The following VKORC1L1 variants were observed in gnomAD, a reference collection of about 807,000 sequenced individuals.
The protein encoded by VKORC1L1 is vitamin K epoxide reductase complex subunit 1L1, also known as vitamin K epoxide reductase complex subunit 1-like protein 1.
Under a neutral mutation model 18.9 loss-of-function variants are expected in VKORC1L1, and 2 were observed. The observed-to-expected ratio is 0.11, with a 90% CI of 0.04 to 0.33. The LOEUF (loss-of-function observed/expected upper bound fraction) is 0.33, where lower values mean the gene tolerates loss of function less well. Ranked by LOEUF, VKORC1L1 falls within the 10% of genes least tolerant of loss-of-function variation. The pLI is 1.00. For synonymous variants in VKORC1L1, 96 were observed against 100.0 expected, an observed-to-expected ratio of 0.96 and a Z score of 0.24; for missense variants, 123 against 224.1, an observed-to-expected ratio of 0.55 and a Z score of 2.88.
chr7:65,949,465 G>A (rs1424241339), intron 2 of VKORC1L1, among the ~76,000 whole-genome samples: 1 of 148,798 alleles, frequency 6.7e-6, no homozygotes, highest in Non-Finnish European at 1.5e-5. Context: ...GGCAACAAGA[G>A]CGAAACTCCG....
In VKORC1L1 at chr7:65,954,588, G is replaced by T; in HGVS notation, c.*288G>T. The T allele has an allele frequency of 2.2e-6, 1 of 463,128 alleles. No individual in the cohort carries two copies. The highest frequency in any genetic ancestry group is 3.7e-6 in the Non-Finnish European group (1 of 272,502). 28.7% of individuals were successfully genotyped at this position (463,128 alleles called of 1,614,324 possible). A position where few individuals can be genotyped will look rare whatever the true frequency, so the allele number is the denominator to read the frequency against. On this transcript the variant is annotated 3_prime_UTR_variant, in exon 3 of 3. Transcript: ENST00000360768. ...TGATAAAATGTAGCCCTAGCCCCCT[G>T]CCCTCAATTGTAAAGTGAGCAACCA...
rs1435692383 is a variant in VKORC1L1 at position 65,929,680 on chromosome 7, GTGTA to G, written c.195-18989_195-18986del. On this transcript the variant is annotated intron_variant, in intron 1 of 2. Transcript: ENST00000360768. Reference sequence around the variant, plus strand: ...TATGTGTGTGTGTGTATGTGTGTGTGTGTATATATATATATATATATATGGTTTT... The same window carrying G: ...TATGTGTGTGTGTGTATGTGTGTGTGTATATATATATATATATATGGTTTT... 3.3e-4 allele frequency among the ~76,000 whole-genome samples: 34 copies of G among 103,798 alleles called. No homozygotes were observed. In the South Asian group the frequency reaches 3.4e-3, roughly 10 times the overall value. The allele number at this position is 103,798 out of a possible 152,430, so 68.1% of individuals were successfully genotyped here.
intron 1 of VKORC1L1, among the ~76,000 whole-genome samples, chr7:65,880,580 C>T (rs1788911383): frequency 6.6e-6 from 1 of 152,054 alleles, no homozygotes; most frequent in African/African-American, 2.4e-5. Flanking sequence ...GAGGCCTTGT[C>T]GTGTGGACCT....
Position 65,873,576 on chromosome 7 carries a change from TG to T in VKORC1L1, c.194+16del. On this transcript the variant is annotated intron_variant, in intron 1 of 2. Transcript: ENST00000360768. ...CGCCCTTGCCTCCAGGTAGCCGGCT[TG>T]GGGGAGTGGGCCAGGAGCGGCCGAG... 2.0e-6 allele frequency: 3 copies of T among 1,491,344 alleles called. No individual in the cohort carries two copies. 92.4% of individuals were successfully genotyped at this position (1,491,344 alleles called of 1,614,324 possible).
At chr7:65,939,746 G>T (rs1790003917) in intron 1 of VKORC1L1, among the ~76,000 whole-genome samples, 1 of 152,204 alleles carries the variant, frequency 6.6e-6, no homozygotes, top group South Asian at 2.1e-4. Flanking sequence ...GGTTACAACA[G>T]ATTTGCGAAC....
intron 1 of VKORC1L1, among the ~76,000 whole-genome samples, chr7:65,900,696 T>C (rs903595687): frequency 3.3e-5 from 5 of 152,014 alleles, no homozygotes; most frequent in African/African-American, 1.2e-4. Flanking sequence ...TCCCAGCTAC[T>C]CGGGAGGCTA....
In VKORC1L1 at chr7:65,958,129, G is replaced by T. The variant is rs1790330159; in HGVS notation, c.*3829G>T. On this transcript the variant is annotated 3_prime_UTR_variant, in exon 3 of 3. Transcript: ENST00000360768. ...GGGTGAAACATTTCAGACACCTCAG[G>T]CAGCACTTATGGTTTCTAATTGTGA... The T allele has an allele frequency of 6.6e-6, 1 of 152,056 alleles. No homozygotes were observed. The highest frequency in any genetic ancestry group is 2.1e-4 in the South Asian group (1 of 4,826). The allele number at this position is 152,056 out of a possible 1,614,324, so 9.4% of individuals were successfully genotyped here.
intron 1 of VKORC1L1, among the ~76,000 whole-genome samples, chr7:65,896,234 A>G (rs370426648): frequency 6.6e-5 from 10 of 151,906 alleles, no homozygotes; most frequent in East Asian, 3.9e-4. Flanking sequence ...TAACATGTCT[A>G]TGAGATTTAT....
Position 65,954,172 on chromosome 7 carries a change from C to T in VKORC1L1, c.403C>T (p.Leu135=), listed in dbSNP as rs755221981. 13 of 1,614,110 alleles carry T rather than the reference C, an allele frequency of 8.1e-6. 1 individual carries two copies. The highest frequency in any genetic ancestry group is 1.1e-5 in the Non-Finnish European group (13 of 1,180,004). ...CCTGGCCTACATTCTGTACTTTGTG[C>T]TGAAGGAGTTCTGCATCATCTGCAT... ...LYLAYILYFV[L]KEFCIICIVT... Residue 135 remains leucine, a synonymous_variant, in exon 3 of 3, where the codon CTG becomes TTG. Transcript: ENST00000360768.
At chr7:65,944,310 A>C (rs1159307246) in intron 1 of VKORC1L1, among the ~76,000 whole-genome samples, 1 of 152,210 alleles carries the variant, frequency 6.6e-6, no homozygotes, top group Non-Finnish European at 1.5e-5. Flanking sequence ...CAGAGGTTGC[A>C]GTGAGCCGAG....
Position 65,943,847 on chromosome 7 carries a change from A to G in VKORC1L1, c.195-4824A>G, listed in dbSNP as rs181729480. 2.6e-3 allele frequency among the ~76,000 whole-genome samples: 390 copies of G among 152,366 alleles called. 2 individuals carry two copies. Among genetic ancestry groups the G allele is most frequent in the African/African-American group, 9.0e-3 (373 of 41,586 alleles). On this transcript the variant is annotated intron_variant, in intron 1 of 2. Transcript: ENST00000360768. ...AATTTTAAGATTATTGTTTTAAAGA[A>G]TAAATGTTGATATTCTTAAGGTGGT...
chr7:65,890,097 A>G (rs935765171), intron 1 of VKORC1L1, among the ~76,000 whole-genome samples: 2 of 149,328 alleles, frequency 1.3e-5, no homozygotes, highest in African/African-American at 4.9e-5. Context: ...AGCTGGGACT[A>G]CAGGTGCACA....
intron 1 of VKORC1L1, among the ~76,000 whole-genome samples, chr7:65,875,574 C>G (rs1366321439): frequency 6.6e-6 from 1 of 152,082 alleles, no homozygotes; most frequent in Non-Finnish European, 1.5e-5. Context: ...CCCGCCACAA[C>G]GCCCTGCTAA....
Position 65,954,407 on chromosome 7 carries a change from T to G in VKORC1L1, c.*107T>G. ...TTATTATTATTCACAACAGACACTT[T>G]CCCTAAGAATCTCAAACTGATTTTT... On this transcript the variant is annotated 3_prime_UTR_variant, in exon 3 of 3. Coordinates refer to ENST00000360768, the MANE Select transcript of VKORC1L1 (RefSeq NM_173517.6). The G allele has an allele frequency of 2.1e-6, 3 of 1,410,698 alleles. No homozygotes were observed. The highest frequency in any genetic ancestry group is 2.8e-6 in the Non-Finnish European group (3 of 1,080,940). 87.4% of individuals were successfully genotyped at this position (1,410,698 alleles called of 1,614,324 possible).
At chr7:65,874,411 T>A (rs539858975) in intron 1 of VKORC1L1, among the ~76,000 whole-genome samples, 1 of 151,882 alleles carries the variant, frequency 6.6e-6, no homozygotes, top group South Asian at 2.1e-4. Flanking sequence ...TTGGTCAGGC[T>A]GGTCTCGAAC....
At chr7:65,896,816 C>A (rs1358886685) in intron 1 of VKORC1L1, among the ~76,000 whole-genome samples, 1 of 152,074 alleles carries the variant, frequency 6.6e-6, no homozygotes, top group Non-Finnish European at 1.5e-5. Flanking sequence ...GCCTGGCCAA[C>A]AAGGTGAAAC....
chr7:65,911,022 A>G lies in VKORC1L1; in HGVS notation c.194+37457A>G, dbSNP rs75166265. 0.015 allele frequency among the ~76,000 whole-genome samples: 2,307 copies of G among 152,244 alleles called. 130 individuals carry two copies. In the East Asian group the frequency reaches 0.16, roughly 10 times the overall value. On this transcript the variant is annotated intron_variant, in intron 1 of 2. Transcript: ENST00000360768. ...ATATCTCTTCAGTTAACACACTGTG[A>G]TGTTACACTTCACCATTAATTATGG...
chr7:65,873,503 C>T lies in VKORC1L1; in HGVS notation c.132C>T (p.Pro44=). 1 of 1,592,972 alleles carries T rather than the reference C, an allele frequency of 6.3e-7. No individual in the cohort carries two copies. Among genetic ancestry groups the T allele is most frequent in the Non-Finnish European group, 8.5e-7 (1 of 1,171,458 alleles). The part of the protein sequence containing the change: ...YHVEREKERD[P]EHRALCDLGP... Reference sequence around the variant, plus strand: ...TGGAGCGGGAGAAGGAGCGGGACCCCGAGCACCGGGCCCTCTGCGACCTGG... The same window carrying T: ...TGGAGCGGGAGAAGGAGCGGGACCCTGAGCACCGGGCCCTCTGCGACCTGG... Residue 44 remains proline, a synonymous_variant, in exon 1 of 3, where the codon CCC becomes CCT. Transcript: ENST00000360768.
chr7:65,872,068 G>A (rs1788732609), upstream of VKORC1L1, among the ~76,000 whole-genome samples: 1 of 152,264 alleles, frequency 6.6e-6, no homozygotes, highest in Non-Finnish European at 1.5e-5. Context: ...GTGAGAAAAA[G>A]CACATACATC....
Sources: gnomAD v4.1 joint callset for allele counts (sites outside exome capture counted in the v4.1 genomes callset) on GRCh38, gnomAD v4.1.1 for gene constraint, MANE v1.5 for transcripts, NCBI Gene and HGNC (gene_info 2026-07-23, HGNC 2026-07-21) for gene names.